Variants in HIVEP1 observed in about 807,000 individuals in gnomAD.
The protein encoded by HIVEP1 is HIVEP zinc finger 1, also known as zinc finger protein 40.
HIVEP1 carries 36 observed loss-of-function variants against 180.0 expected under a neutral mutation model. The observed-to-expected ratio is 0.20, with a 90% CI of 0.15 to 0.26. The LOEUF is 0.26. Ranked by LOEUF, HIVEP1 falls within the 10% of genes least tolerant of loss-of-function variation. The pLI, the probability that HIVEP1 is intolerant of heterozygous loss-of-function variation, is 1.00. For missense variants in HIVEP1, 3,143 were observed against 3,268.7 expected (o/e 0.96, Z 0.94); for synonymous variants, 1,239 against 1,239.0 (o/e 1.00, Z 0.00).
chr6:12,053,431 G>C (rs1219050846), intron 2 of HIVEP1, among the ~76,000 whole-genome samples: 2 of 152,038 alleles, frequency 1.3e-5, no homozygotes, highest in African/African-American at 4.8e-5. Context: ...TGTATTATAA[G>C]CCATGGAAAA....
rs2113696905 is a variant in HIVEP1 at position 12,163,842 on chromosome 6, C to T, written c.7538C>T (p.Pro2513Leu). 6.2e-7 allele frequency: 1 copy of T among 1,614,188 alleles called. No homozygotes were observed. The highest frequency in any genetic ancestry group is 2.2e-5 in the East Asian group (1 of 44,882). ...NTNMAPQVHP[P>L]GLALNAVGLQ... ...AATATGGCCCCACAAGTCCATCCAC[C>T]AGGACTGGCTCTGAATGCTGTCGGA... is the stretch of plus-strand genomic sequence containing the variant. The change falls in exon 9 of 9, where the codon CCA becomes CTA. Residue 2513 changes from proline (P) to leucine (L), a missense_variant. By Grantham distance (98) the Pro-to-Leu change is moderately conservative. This residue lies in a region of HIVEP1 where 595 missense variants were observed against 602.2 expected (regional missense o/e 0.99). Coordinates refer to ENST00000379388, the MANE Select transcript of HIVEP1 (RefSeq NM_002114.4).
At chr6:12,036,388 A>G (rs192898498) in intron 2 of HIVEP1, among the ~76,000 whole-genome samples, 3 of 152,364 alleles carry the variant, frequency 2.0e-5, no homozygotes, top group Non-Finnish European at 4.4e-5. Flanking sequence ...TATAGGATAT[A>G]CAATTGTATG....
At chr6:12,173,657 T>A in the HIVEP1 span, among the ~76,000 whole-genome samples, 1 of 152,082 alleles carries the variant, frequency 6.6e-6, no homozygotes, top group African/African-American at 2.4e-5. Context: ...TATATATCTG[T>A]GGGCTTGAAA....
In HIVEP1 at chr6:12,161,749, C is replaced by T. The variant is rs1760416451; in HGVS notation, c.6798C>T (p.Asp2266=). 6.2e-7 allele frequency: 1 copy of T among 1,614,078 alleles called. No individual in the cohort carries two copies. The highest frequency in any genetic ancestry group is 8.5e-7 in the Non-Finnish European group (1 of 1,180,036). The change falls in exon 8 of 9, where the codon GAC becomes GAT. Residue 2266 remains aspartate, a synonymous_variant. Transcript: ENST00000379388. ...CTGTCCTGAGCACAGCACAGTCTGA[C>T]TACAATAGGAAGACACTCTCTCCGG... The part of the protein sequence containing the change: ...RMTVLSTAQS[D]YNRKTLSPGK...
Position 12,123,996 on chromosome 6 carries a change from C to G in HIVEP1, c.4201C>G (p.Leu1401Val). 1.2e-6 allele frequency: 2 copies of G among 1,614,160 alleles called. No homozygotes were observed. Among genetic ancestry groups the G allele is most frequent in the Non-Finnish European group, 1.7e-6 (2 of 1,180,016 alleles). Residue 1401 changes from leucine to valine, a missense_variant, in exon 4 of 9, where the codon CTT (leucine) becomes GTT (valine). This residue lies in a region of HIVEP1 where 1,357 missense variants were observed against 1,260.5 expected (regional missense o/e 1.08). Transcript: ENST00000379388. ...CATCACCCCACCCCAGACAACACCA[C>G]TTACTGAATTGCAGCCTCCATCTTC... ...GSITPPQTTP[L>V]TELQPPSSPS...
intron 3 of HIVEP1, among the ~76,000 whole-genome samples, chr6:12,109,144 TAATTTTTTA>T (rs1165563712): frequency 5.3e-5 from 7 of 133,064 alleles, no homozygotes; most frequent in Non-Finnish European, 1.0e-4. Context: ...CACGCCCGGC[TAATTTTTTA>T]AATTTTTTTA....
rs3070536 is a variant in HIVEP1 at position 12,078,634 on chromosome 6, TACAC to T, written c.41-10536_41-10533del. ...AAAAAAAAAAATACATACATATATA[TACAC>T]ACACACACACACATACATATATATA... On this transcript the variant is annotated intron_variant, in intron 2 of 8. Transcript: ENST00000379388. Among the ~76,000 whole-genome samples, 422 of 146,938 alleles carry T rather than the reference TACAC, an allele frequency of 2.9e-3. 10 individuals carry two copies. Among genetic ancestry groups the T allele is most frequent in the Admixed American group, 0.027 (389 of 14,576 alleles).
chr6:12,100,972 GT>G (rs1774080969), intron 3 of HIVEP1, among the ~76,000 whole-genome samples: 2 of 152,184 alleles, frequency 1.3e-5, no homozygotes, highest in Non-Finnish European at 2.9e-5. Flanking sequence ...GATAGTATGT[GT>G]TTGGTTTTCT....
At chr6:12,188,179 C>A in the HIVEP1 span, among the ~76,000 whole-genome samples, 1 of 152,136 alleles carries the variant, frequency 6.6e-6, no homozygotes, top group Admixed American at 6.5e-5. Context: ...CAAAGTGCAT[C>A]TTTAAAAAAT....
chr6:12,127,565 G>A (rs1758162612), intron 4 of HIVEP1, among the ~76,000 whole-genome samples: 1 of 152,220 alleles, frequency 6.6e-6, no homozygotes, highest in South Asian at 2.1e-4. Context: ...CTGGATGGAA[G>A]TGTGTAGAGT....
intron 7 of HIVEP1, among the ~76,000 whole-genome samples, chr6:12,141,745 G>A (rs1338815432): frequency 8.0e-6 from 1 of 125,340 alleles, no homozygotes; most frequent in Admixed American, 8.7e-5. Context: ...CCTAGTCTCT[G>A]ATAAAACAGA....
intron 2 of HIVEP1, among the ~76,000 whole-genome samples, chr6:12,078,117 A>G (rs1189608240): frequency 6.6e-6 from 1 of 152,214 alleles, no homozygotes; most frequent in Non-Finnish European, 1.5e-5. Flanking sequence ...TGACTGTAGG[A>G]TTAATATCTG....
At chr6:12,172,789 CT>C in the HIVEP1 span, among the ~76,000 whole-genome samples, 13,299 of 138,508 alleles carry the variant, frequency 0.096, 697 homozygotes, top group South Asian at 0.15. Flanking sequence ...AAACACGGTC[CT>C]TTTTTTTTTT....
At position 12,161,612 on chromosome 6, in the gene HIVEP1, A is replaced by G. The variant is rs1381586921; in HGVS notation, c.6661A>G (p.Ser2221Gly). 2 of 1,614,034 alleles carry G rather than the reference A, an allele frequency of 1.2e-6. No homozygotes were observed. The highest frequency in any genetic ancestry group is 2.7e-5 in the African/African-American group (2 of 74,940). The change falls in exon 8 of 9, where the codon AGC becomes GGC. Residue 2221 changes from serine (S) to glycine (G), a missense_variant. Transcript: ENST00000379388. ...CCCGCAGCACCTTCCATCTAGAAGT[A>G]GCCTTCAGGACCCTGTGAGTACTGA... ...ASPQHLPSRS[S>G]LQDPVSTDED...
intron 3 of HIVEP1, among the ~76,000 whole-genome samples, chr6:12,109,969 C>G (rs1774778664): frequency 6.6e-6 from 1 of 152,162 alleles, no homozygotes; most frequent in East Asian, 1.9e-4. Flanking sequence ...ATTGTATTAC[C>G]AGGCATGAAA....
downstream of HIVEP1, among the ~76,000 whole-genome samples, chr6:12,167,434 A>T (rs1008070274): frequency 6.6e-6 from 1 of 151,104 alleles, no homozygotes; most frequent in African/African-American, 2.4e-5. Context: ...TAAATACAGC[A>T]TGTATATCAC....
intron 7 of HIVEP1, among the ~76,000 whole-genome samples, chr6:12,145,656 CA>C (rs1257513469): frequency 2.6e-5 from 4 of 151,644 alleles, no homozygotes; most frequent in African/African-American, 9.7e-5. Context: ...TATATAAAAA[CA>C]AAAGGCACCT....
At chr6:12,160,152 A>C (rs1003006879) in intron 7 of HIVEP1, among the ~76,000 whole-genome samples, 2 of 152,218 alleles carry the variant, frequency 1.3e-5, no homozygotes, top group Non-Finnish European at 2.9e-5. Context: ...ACTAAATTTT[A>C]TTAAGCTTTC....
the HIVEP1 span, among the ~76,000 whole-genome samples, chr6:12,183,455 T>A: frequency 6.6e-6 from 1 of 152,230 alleles, no homozygotes; most frequent in African/African-American, 2.4e-5. Context: ...CCAGCTACGT[T>A]ATGGAGTTCT....
Sources: allele counts gnomAD v4.1 joint callset (sites outside exome capture counted in the v4.1 genomes callset), GRCh38; gene constraint gnomAD v4.1.1; regional missense constraint gnomAD v4.1.1; transcripts MANE v1.5; gene names NCBI Gene and HGNC (gene_info 2026-07-23, HGNC 2026-07-21).